Variants in DMXL1 observed in about 807,000 individuals in gnomAD.
The protein encoded by DMXL1 is dmX-like protein 1.
Under a neutral mutation model 319.2 loss-of-function variants are expected in DMXL1, and 99 were observed. The observed-to-expected ratio is 0.31, with a 90% confidence interval of 0.26 to 0.37. The LOEUF is 0.37. DMXL1 is among the 10% of genes least tolerant of loss of function. The pLI, the probability that DMXL1 is intolerant of heterozygous loss-of-function variation, is 1.00. For synonymous variants in DMXL1, 1,385 were observed against 1,235.2 expected (o/e 1.12, Z -2.54); for missense variants, 3,745 against 3,595.6 (o/e 1.04, Z -1.06).
intron 13 of DMXL1, among the ~76,000 whole-genome samples, chr5:119,142,895 G>A (rs775035266): frequency 2.0e-5 from 3 of 151,908 alleles, no homozygotes; most frequent in Non-Finnish European, 4.4e-5. Context: ...AGGAACATGG[G>A]TGGAGCTGGC....
chr5:119,106,039 CTG>C (rs1758270800), intron 4 of DMXL1, among the ~76,000 whole-genome samples: 1 of 152,114 alleles, frequency 6.6e-6, no homozygotes, highest in Non-Finnish European at 1.5e-5. Context: ...CAGGAAGACT[CTG>C]TGGGAATGGC....
chr5:119,224,764 C>A lies in DMXL1; in HGVS notation c.8333C>A (p.Pro2778His), dbSNP rs987825616. Residue 2778 changes from proline (P) to histidine (H), a missense_variant, in exon 38 of 44, where the codon CCT (proline) becomes CAT (histidine). Around this residue, in one of 4 missense-constraint regions of DMXL1, gnomAD observed 1,382 missense variants for 1,269.5 expected, o/e 1.09. Transcript: ENST00000539542. ...AGAATGACTTCTCATCCAACTCTTC[C>A]TTACTGTAAGTTGAATAATAATTAG... ...VRRMTSHPTL[P>H]YYLTGAQDGS... is the part of the protein sequence containing the mutation. The A allele has an allele frequency of 9.4e-6, 12 of 1,280,942 alleles. No homozygotes were observed. Among genetic ancestry groups the A allele is most frequent in the African/African-American group, 1.6e-5 (1 of 64,424 alleles). 79.3% of individuals were successfully genotyped at this position (1,280,942 alleles called of 1,614,324 possible). A position where few individuals can be genotyped will look rare whatever the true frequency, so the allele number is the denominator to read the frequency against.
chr5:119,131,332 G>A (rs899296325), intron 10 of DMXL1, among the ~76,000 whole-genome samples: 5 of 152,106 alleles, frequency 3.3e-5, no homozygotes, highest in Admixed American at 2.6e-4. Context: ...ATATTTACCT[G>A]TATTGATAAG....
At chr5:119,093,147 T>A (rs1300776844) in intron 1 of DMXL1, among the ~76,000 whole-genome samples, 1 of 152,206 alleles carries the variant, frequency 6.6e-6, no homozygotes, top group African/African-American at 2.4e-5. Flanking sequence ...TTTGTGTCTC[T>A]GTGTCGCATT....
At chr5:119,087,006 G>C (rs1753523350) in intron 1 of DMXL1, among the ~76,000 whole-genome samples, 1 of 151,628 alleles carries the variant, frequency 6.6e-6, no homozygotes, top group Non-Finnish European at 1.5e-5. Flanking sequence ...TTGTTCATAA[G>C]GATTCTTTTT....
At chr5:119,172,984 A>G (rs975176775) in intron 25 of DMXL1, among the ~76,000 whole-genome samples, 1 of 152,156 alleles carries the variant, frequency 6.6e-6, no homozygotes, top group Non-Finnish European at 1.5e-5. Context: ...GCCAAACTAT[A>G]TTTCATATTT....
chr5:119,148,589 T>G (rs1322231778), intron 17 of DMXL1, 150 bp from the exon 18 acceptor site: 1 of 693,238 alleles, frequency 1.4e-6, no homozygotes, highest in Non-Finnish European at 2.4e-6. Context: ...GGCTGTCTAT[T>G]ATGCAGTTTA....
chr5:119,223,663 G>T (rs1175717382), intron 37 of DMXL1, among the ~76,000 whole-genome samples: 2 of 152,044 alleles, frequency 1.3e-5, no homozygotes, highest in Non-Finnish European at 2.9e-5. Flanking sequence ...GAATAAGGTT[G>T]TTCTTTTTTA....
In DMXL1 at chr5:119,143,949, G is replaced by T; in HGVS notation, c.2466+19G>T. On this transcript the variant is annotated intron_variant, in intron 14 of 43. Coordinates refer to ENST00000539542, the MANE Select transcript of DMXL1 (RefSeq NM_001290321.3). ...CAAACTTGTAAGTATTAATTTTGGG[G>T]GGGAGGTATATTAAAAAAAAGTTTA... 6.9e-7 allele frequency: 1 copy of T among 1,457,228 alleles called. No homozygotes were observed. Among genetic ancestry groups the T allele is most frequent in the East Asian group, 2.4e-5 (1 of 41,612 alleles). 90.3% of individuals were successfully genotyped at this position (1,457,228 alleles called of 1,614,324 possible).
At chr5:119,238,445 G>A (rs866812920) in intron 40 of DMXL1, among the ~76,000 whole-genome samples, 13 of 151,972 alleles carry the variant, frequency 8.6e-5, no homozygotes, top group African/African-American at 3.1e-4. Flanking sequence ...AATGCTATAT[G>A]TTTTCTAATT....
rs540619944 is a variant in DMXL1, at chr5:119,171,381, G to A, written c.6489+101G>A. On this transcript the variant is annotated intron_variant, in intron 24 of 43. Coordinates refer to ENST00000539542, the MANE Select transcript of DMXL1 (RefSeq NM_001290321.3). ...ACTAAGACTTGATTTTCTTTATTAC[G>A]GTTGCTTTAGGGAAAGCTCCCTTTT... 6.7e-5 allele frequency: 81 copies of A among 1,213,450 alleles called. No homozygotes were observed. The African/African-American group carries it at 6.9e-4, about 10-fold the overall frequency. 75.2% of individuals were successfully genotyped at this position (1,213,450 alleles called of 1,614,324 possible).
At chr5:119,097,674 G>A (rs182462333) in intron 1 of DMXL1, among the ~76,000 whole-genome samples, 5 of 152,276 alleles carry the variant, frequency 3.3e-5, no homozygotes, top group African/African-American at 7.2e-5. Context: ...CCGAGATTGC[G>A]CCACTGCACT....
chr5:119,145,321 A>G (rs868779926), intron 15 of DMXL1, among the ~76,000 whole-genome samples: 1 of 151,042 alleles, frequency 6.6e-6, no homozygotes, highest in Non-Finnish European at 1.5e-5. Flanking sequence ...CACCTTTTCC[A>G]TTTTTCTTTT....
chr5:119,088,602 T>C (rs72784072), intron 1 of DMXL1, among the ~76,000 whole-genome samples: 4,975 of 152,216 alleles, frequency 0.033, 255 homozygotes, highest in African/African-American at 0.11. Context: ...TTAAATGCTC[T>C]TCTCTGTTAG....
At chr5:119,082,016 TATATACACACACACACACACAC>T (rs1053396609) in intron 1 of DMXL1, among the ~76,000 whole-genome samples, 4 of 78,724 alleles carry the variant, frequency 5.1e-5, no homozygotes, top group African/African-American at 1.5e-4. Flanking sequence ...TATATATATA[TATATACACACACACACACACAC>T]ACACACACAC....
At chr5:119,080,358 A>C (rs1364049125) in intron 1 of DMXL1, among the ~76,000 whole-genome samples, 2 of 152,054 alleles carry the variant, frequency 1.3e-5, no homozygotes, top group Non-Finnish European at 2.9e-5. Context: ...AAAATAATAT[A>C]AGTAAAATAA....
chr5:119,177,559 T>A, intron 27 of DMXL1, 75 bp downstream of exon 27: 1 of 1,279,830 alleles, frequency 7.8e-7, no homozygotes. Context: ...GACTTTTAGT[T>A]TTGCCACATG....
chr5:119,100,437 T>TA lies in DMXL1; in HGVS notation c.214-1483dup, dbSNP rs767262000. Among the ~76,000 whole-genome samples the TA allele has an allele frequency of 1.4e-3, 178 of 128,104 alleles. 1 individual carries two copies. The highest frequency in any genetic ancestry group is 7.9e-3 in the Middle Eastern group (2 of 252). 84.0% of individuals were successfully genotyped at this position (128,104 alleles called of 152,430 possible). A position where few individuals can be genotyped will look rare whatever the true frequency, so the allele number is the denominator to read the frequency against. ...GGTAACAGTGTGAGACTCCGTCTCATAAAAAAAAAAAAAAAGAAGGAAATG... is the reference window on the plus strand; with the variant it reads ...GGTAACAGTGTGAGACTCCGTCTCATAAAAAAAAAAAAAAAAGAAGGAAATG... On this transcript the variant is annotated intron_variant, in intron 2 of 43. Transcript: ENST00000539542.
intron 1 of DMXL1, among the ~76,000 whole-genome samples, chr5:119,080,239 C>T (rs925844836): frequency 1.3e-5 from 2 of 151,948 alleles, no homozygotes; most frequent in Non-Finnish European, 2.9e-5. Context: ...CTCAGCTACT[C>T]GGGAGGTTGA....
Sources: gnomAD v4.1 joint callset for allele counts (sites outside exome capture counted in the v4.1 genomes callset) on GRCh38, gnomAD v4.1.1 for gene constraint, gnomAD v4.1.1 regional missense constraint, MANE v1.5 for transcripts, NCBI Gene and HGNC (gene_info 2026-07-23, HGNC 2026-07-21) for gene names.